The following ABCC9 variants were observed in gnomAD, a reference collection of about 807,000 sequenced individuals.
The protein encoded by ABCC9 is ATP binding cassette subfamily C member 9.
ABCC9 carries 95 observed loss-of-function variants against 188.3 expected under a neutral mutation model. The observed-to-expected ratio is 0.50, with a 90% CI of 0.43 to 0.60. The LOEUF is 0.60. Ranked by LOEUF, ABCC9 falls within the 20% of genes least tolerant of loss-of-function variation. The pLI, the probability that ABCC9 is intolerant of heterozygous loss-of-function variation, is 0.00. For synonymous variants in ABCC9, 659 were observed against 652.7 expected (o/e 1.01, Z -0.15); for missense variants, 1,102 against 1,876.3 (o/e 0.59, Z 7.62).
intron 7 of ABCC9, among the ~76,000 whole-genome samples, chr12:21,914,775 A>G (rs946303311): frequency 4.6e-5 from 7 of 152,170 alleles, no homozygotes; most frequent in African/African-American, 7.2e-5. Context: ...AGCAACTAAT[A>G]TAAGTATACT....
intron 15 of ABCC9, among the ~76,000 whole-genome samples, chr12:21,887,560 T>C (rs1946941588): frequency 6.6e-6 from 1 of 152,146 alleles, no homozygotes; most frequent in Admixed American, 6.6e-5. Flanking sequence ...TTATATACAT[T>C]TGGAGTAAGC....
intron 6 of ABCC9, among the ~76,000 whole-genome samples, chr12:21,916,249 A>G (rs1280177382): frequency 2.0e-5 from 3 of 152,216 alleles, no homozygotes; most frequent in African/African-American, 7.2e-5. Flanking sequence ...AGATTTTAAA[A>G]TGTATTATCA....
intron 27 of ABCC9, 48 bp from the exon 28 acceptor site, chr12:21,844,600 A>T: frequency 6.3e-7 from 1 of 1,588,694 alleles, no homozygotes; most frequent in Non-Finnish European, 8.6e-7. Flanking sequence ...AACTATTTGG[A>T]ACCTGGGCAT....
At chr12:21,831,036 A>G (rs1250544287) in intron 30 of ABCC9, 1 of 146,604 alleles carries the variant, frequency 6.8e-6, no homozygotes, top group African/African-American at 2.5e-5. Context: ...ATCTCTCTAT[A>G]TACACACACG....
At chr12:21,808,072 T>G (rs1941982345) in intron 37 of ABCC9, among the ~76,000 whole-genome samples, 1 of 152,120 alleles carries the variant, frequency 6.6e-6, no homozygotes, top group South Asian at 2.1e-4. Context: ...TCCATCTACA[T>G]TTCATAAACT....
At chr12:21,868,114 C>T (rs1352426977) in intron 18 of ABCC9, among the ~76,000 whole-genome samples, 2 of 152,012 alleles carry the variant, frequency 1.3e-5, no homozygotes, top group Admixed American at 6.6e-5. Flanking sequence ...TTCCTCTCTC[C>T]TCTCTCTCAT....
intron 31 of ABCC9, chr12:21,827,227 C>G: frequency 1.0e-6 from 1 of 985,314 alleles, no homozygotes; most frequent in South Asian, 4.7e-5. Context: ...GCTCTAATAT[C>G]TTGTCTTCTG....
At chr12:21,864,931 A>G (rs1221327096) in intron 18 of ABCC9, among the ~76,000 whole-genome samples, 3 of 152,160 alleles carry the variant, frequency 2.0e-5, no homozygotes, top group Non-Finnish European at 4.4e-5. Flanking sequence ...GGCACTAAAC[A>G]CGAAAGATAC....
chr12:21,927,324 C>G (rs1565492823), intron 4 of ABCC9, among the ~76,000 whole-genome samples: 1 of 152,036 alleles, frequency 6.6e-6, no homozygotes, highest in Non-Finnish European at 1.5e-5. Flanking sequence ...ATAGCTCTAG[C>G]AGTCATGTGG....
intron 38 of ABCC9, among the ~76,000 whole-genome samples, 181 bp downstream of exon 38, chr12:21,807,165 T>G (rs1941914927): frequency 6.6e-6 from 1 of 152,244 alleles, no homozygotes; most frequent in Non-Finnish European, 1.5e-5. Flanking sequence ...TTCAACCATA[T>G]GTTGGGCCCT....
intron 24 of ABCC9, among the ~76,000 whole-genome samples, chr12:21,850,652 G>A (rs1316214326): frequency 2.0e-5 from 3 of 151,880 alleles, no homozygotes; most frequent in East Asian, 1.9e-4. Flanking sequence ...CTATAATATT[G>A]AGCCAACAGC....
In ABCC9 at chr12:21,941,160, G is replaced by A. The variant is rs2138106007; in HGVS notation, c.-137+40C>T. On this transcript the variant is annotated intron_variant, in intron 1 of 39. Transcript: ENST00000261200. The surrounding 1 kb of genome is among the most constrained non-coding windows in gnomAD (Gnocchi z 5.4). ...ACAACTTACAGTTATTCCTAAAAAT[G>A]TTTAAATGGCATTCATGTAAAAGAC... 1 of 152,380 alleles carries A rather than the reference G, an allele frequency of 6.6e-6. No homozygotes were observed. Among genetic ancestry groups the A allele is most frequent in the Admixed American group, 6.5e-5 (1 of 15,306 alleles). 9.4% of individuals were successfully genotyped at this position (152,380 alleles called of 1,614,324 possible).
At position 21,869,539 on chromosome 12, in the gene ABCC9, C is replaced by G. The variant is rs528522419; in HGVS notation, c.2198+3086G>C. ...TTTCCCACTGAACTTAGAACAAAAT[C>G]TTAACTCCACAGCATACCCAGAATG... On this transcript the variant is annotated intron_variant, in intron 18 of 39. Transcript: ENST00000261200. 4.6e-5 allele frequency: 7 copies of G among 152,276 alleles called. 1 individual carries two copies. Among genetic ancestry groups the G allele is most frequent in the African/African-American group, 1.7e-4 (7 of 41,552 alleles). The allele number at this position is 152,276 out of a possible 1,614,324, so 9.4% of individuals were successfully genotyped here.
rs1209891211 is a variant in ABCC9 at position 21,868,094 on chromosome 12, A to AT, written c.2199-3618dup. ...ATTGGCATTCTGACAATTTTGGAGA[A>AT]TTTTTTTCATTCCTCTCTCCTCTCT... is the stretch of plus-strand genomic sequence containing the variant. On this transcript the variant is annotated intron_variant, in intron 18 of 39. Coordinates refer to ENST00000261200, the MANE Select transcript of ABCC9 (RefSeq NM_020297.4). 1.3e-5 allele frequency among the ~76,000 whole-genome samples: 2 copies of AT among 152,102 alleles called. 1 individual carries two copies. The highest frequency in any genetic ancestry group is 4.8e-5 in the African/African-American group (2 of 41,430).
intron 16 of ABCC9, among the ~76,000 whole-genome samples, chr12:21,880,881 A>T (rs1946586079): frequency 6.6e-6 from 1 of 152,156 alleles, no homozygotes; most frequent in Admixed American, 6.6e-5. Context: ...CAAACTGAAA[A>T]ATACCCAACA....
intron 16 of ABCC9, among the ~76,000 whole-genome samples, chr12:21,876,071 A>G (rs940912878): frequency 1.3e-5 from 2 of 152,162 alleles, no homozygotes; most frequent in African/African-American, 4.8e-5. Context: ...AAATAAAATA[A>G]AATAAAAACT....
chr12:21,831,707 G>T (rs1181833585), intron 30 of ABCC9, among the ~76,000 whole-genome samples: 1 of 152,152 alleles, frequency 6.6e-6, no homozygotes, highest in Non-Finnish European at 1.5e-5. Context: ...AATGTTTTTG[G>T]TGAACAAGGC....
intron 35 of ABCC9, among the ~76,000 whole-genome samples, chr12:21,813,893 T>A (rs897327476): frequency 1.3e-5 from 2 of 152,200 alleles, no homozygotes; most frequent in Non-Finnish European, 2.9e-5. Flanking sequence ...ATAGTCATCG[T>A]AATCATTACA....
At chr12:21,808,347 G>C (rs1011865641) in intron 37 of ABCC9, among the ~76,000 whole-genome samples, 1 of 152,086 alleles carries the variant, frequency 6.6e-6, no homozygotes, top group Admixed American at 6.6e-5. Context: ...TTACTAAGAT[G>C]ATGAGCACCA....
Sources: gnomAD v4.1 joint callset for allele counts (sites outside exome capture counted in the v4.1 genomes callset) on GRCh38, gnomAD v4.1.1 for gene constraint, Gnocchi (gnomAD v3.1) non-coding constraint, MANE v1.5 for transcripts, NCBI Gene and HGNC (gene_info 2026-07-23, HGNC 2026-07-21) for gene names.